Variants in PLCL1 observed in about 807,000 individuals in gnomAD.
PLCL1 encodes the protein inactive phospholipase C-like protein 1.
PLCL1 carries 41 observed loss-of-function variants against 84.4 expected under a neutral mutation model. That is an observed-to-expected ratio of 0.49 (90% CI 0.38 to 0.63). The LOEUF (loss-of-function observed/expected upper bound fraction) is 0.63, where lower values mean the gene tolerates loss of function less well. Among genes scored for constraint, PLCL1 ranks in the 30% least tolerant of loss-of-function variants. PLCL1 has a pLI of 0.00. For missense variants in PLCL1, 1,206 were observed against 1,367.8 expected, an observed-to-expected ratio of 0.88 and a Z score of 1.87; for synonymous variants, 490 against 488.3, an observed-to-expected ratio of 1.00 and a Z score of -0.05.
chr2:197,822,579 A>G (rs1413718719), intron 1 of PLCL1, among the ~76,000 whole-genome samples: 2 of 152,150 alleles, frequency 1.3e-5, no homozygotes, highest in African/African-American at 2.4e-5. Flanking sequence ...ACTCTTACCA[A>G]TTCTTACTAG....
chr2:198,086,021 T>A lies in PLCL1; in HGVS notation c.2504T>A (p.Ile835Asn). 6.2e-7 allele frequency: 1 copy of A among 1,614,070 alleles called. No individual in the cohort carries two copies. The highest frequency in any genetic ancestry group is 1.7e-4 in the Middle Eastern group (1 of 6,060). ...HVPLRSFVGDIMEHVTLFVHI... is the reference protein window; with the variant it reads ...HVPLRSFVGDNMEHVTLFVHI... ...CCCCTGCGTTCTTTTGTGGGTGACATCATGGAGCACGTAACCCTTTTTGTC... is the reference window on the plus strand; with the variant it reads ...CCCCTGCGTTCTTTTGTGGGTGACAACATGGAGCACGTAACCCTTTTTGTC... Residue 835 changes from isoleucine to asparagine, a missense_variant, in exon 2 of 6, where the codon ATC becomes AAC. By Grantham distance (149) the Ile-to-Asn change is moderately radical (BLOSUM62 -3). Transcript: ENST00000428675.
intron 5 of PLCL1, among the ~76,000 whole-genome samples, chr2:198,143,731 A>G (rs1694446386): frequency 6.6e-6 from 1 of 152,296 alleles, no homozygotes; most frequent in Admixed American, 6.5e-5. Context: ...GAAGACCCAA[A>G]GAAGAGATGC....
rs1690428962 is a variant in PLCL1 at position 197,804,770 on chromosome 2, G to A, written c.-330G>A. ...CGCCCGGTGCCTTTTGTCTGGCGCA[G>A]GGCCGGCGTTTGCATCACATTTCGG... On this transcript the variant is annotated 5_prime_UTR_variant, in exon 1 of 6. Coordinates refer to ENST00000428675, the MANE Select transcript of PLCL1 (RefSeq NM_006226.4). 1 of 215,470 alleles carries A rather than the reference G, an allele frequency of 4.6e-6. No homozygotes were observed. The highest frequency in any genetic ancestry group is 6.0e-5 in the Admixed American group (1 of 16,764). The allele number at this position is 215,470 out of a possible 1,614,324, so 13.3% of individuals were successfully genotyped here. A position where few individuals can be genotyped will look rare whatever the true frequency, so the allele number is the denominator to read the frequency against.
At position 198,099,166 on chromosome 2, in the gene PLCL1, C is replaced by T. The variant is rs188288658; in HGVS notation, c.2920-2119C>T. Among the ~76,000 whole-genome samples, 11 of 152,194 alleles carry T rather than the reference C, an allele frequency of 7.2e-5. No individual in the cohort carries two copies. In the East Asian group the frequency reaches 1.2e-3, roughly 16 times the overall value. On this transcript the variant is annotated intron_variant, in intron 3 of 5. Transcript: ENST00000428675. ...ATTCTATCGACTGAATCAACCCAGC[C>T]GTCATGGCTGAGTCGTGCTGACTTC...
At chr2:198,034,978 C>T (rs1691522898) in intron 1 of PLCL1, among the ~76,000 whole-genome samples, 1 of 152,112 alleles carries the variant, frequency 6.6e-6, no homozygotes, top group African/African-American at 2.4e-5. Flanking sequence ...AATGTTGTGT[C>T]CTTTTTCATG....
At chr2:198,105,371 C>T (rs752382718) in intron 5 of PLCL1, among the ~76,000 whole-genome samples, 1 of 151,890 alleles carries the variant, frequency 6.6e-6, no homozygotes, top group Non-Finnish European at 1.5e-5. Context: ...TTCCATTGGT[C>T]TATATGTCTG....
At chr2:198,002,441 G>T (rs1690625802) in intron 1 of PLCL1, among the ~76,000 whole-genome samples, 2 of 152,246 alleles carry the variant, frequency 1.3e-5, no homozygotes, top group South Asian at 4.1e-4. Flanking sequence ...CAATTTACAT[G>T]ACTACAAATA....
At chr2:198,045,952 A>G (rs560243061) in intron 1 of PLCL1, among the ~76,000 whole-genome samples, 4 of 152,332 alleles carry the variant, frequency 2.6e-5, no homozygotes, top group African/African-American at 7.2e-5. Flanking sequence ...TTTCATTTCA[A>G]TGTAACGAGC....
intron 5 of PLCL1, among the ~76,000 whole-genome samples, chr2:198,117,741 T>G (rs1308629357): frequency 3.3e-5 from 5 of 151,948 alleles, no homozygotes; most frequent in African/African-American, 7.2e-5. Context: ...AAAGTATGTT[T>G]TAGAGGTAAC....
chr2:198,126,255 C>T (rs535878689), intron 5 of PLCL1, among the ~76,000 whole-genome samples: 1 of 152,270 alleles, frequency 6.6e-6, no homozygotes, highest in South Asian at 2.1e-4. Context: ...CTCTTCTGTG[C>T]TTACCCCCCA....
intron 1 of PLCL1, among the ~76,000 whole-genome samples, chr2:197,902,493 C>A (rs1003948741): frequency 6.6e-6 from 1 of 152,082 alleles, no homozygotes; most frequent in Non-Finnish European, 1.5e-5. Context: ...TCAAGGAGAA[C>A]AAAGAGCTAC....
At chr2:198,099,194 G>A (rs1309158834) in intron 3 of PLCL1, among the ~76,000 whole-genome samples, 3 of 151,994 alleles carry the variant, frequency 2.0e-5, no homozygotes, top group South Asian at 4.1e-4. Flanking sequence ...CTGACTTCCC[G>A]GCTCAGGGAT....
At chr2:197,862,402 C>T (rs1261553995) in intron 1 of PLCL1, among the ~76,000 whole-genome samples, 1 of 152,134 alleles carries the variant, frequency 6.6e-6, no homozygotes, top group African/African-American at 2.4e-5. Context: ...CATGCTACTA[C>T]TTGTCTTTAG....
intron 1 of PLCL1, among the ~76,000 whole-genome samples, chr2:197,844,231 A>C (rs1687073417): frequency 6.6e-6 from 1 of 152,170 alleles, no homozygotes; most frequent in Non-Finnish European, 1.5e-5. Context: ...AGATCAAGAA[A>C]TAAAATGGTG....
At position 198,057,614 on chromosome 2, in the gene PLCL1, A is replaced by G. The variant is rs143097986; in HGVS notation, c.241-26144A>G. The stretch of plus-strand genomic sequence containing the variant: ...ATTTATAATTTGTGTACTTTTCTGT[A>G]TATATGCTCACTTCAATAAAAAGTT... On this transcript the variant is annotated intron_variant, in intron 1 of 5. Transcript: ENST00000428675. Among the ~76,000 whole-genome samples the G allele has an allele frequency of 1.5e-3, 229 of 152,328 alleles. 1 individual carries two copies. Among genetic ancestry groups the G allele is most frequent in the African/African-American group, 5.3e-3 (220 of 41,568 alleles).
At chr2:197,863,245 CTGAA>C (rs1252411609) in intron 1 of PLCL1, among the ~76,000 whole-genome samples, 1 of 151,354 alleles carries the variant, frequency 6.6e-6, no homozygotes, top group East Asian at 1.9e-4. Context: ...ATGGAAGACA[CTGAA>C]TGTGATGAAA....
chr2:197,833,953 G>A (rs1691127298), intron 1 of PLCL1, among the ~76,000 whole-genome samples: 4 of 152,128 alleles, frequency 2.6e-5, no homozygotes, highest in African/African-American at 7.2e-5. Flanking sequence ...GCATGGTACT[G>A]GTACCAAAAC....
chr2:197,903,588 A>G (rs1402539539), intron 1 of PLCL1, among the ~76,000 whole-genome samples: 1 of 128,406 alleles, frequency 7.8e-6, no homozygotes, highest in Admixed American at 9.6e-5. Context: ...GGTTCACGCC[A>G]TTCTCCTACC....
At chr2:197,905,245 T>A (rs1688354512) in intron 1 of PLCL1, among the ~76,000 whole-genome samples, 1 of 152,114 alleles carries the variant, frequency 6.6e-6, no homozygotes, top group Non-Finnish European at 1.5e-5. Context: ...ATCCCTCCCC[T>A]AGCACCCTAT....
Sources: allele counts gnomAD v4.1 joint callset (sites outside exome capture counted in the v4.1 genomes callset), GRCh38; gene constraint gnomAD v4.1.1; transcripts MANE v1.5; gene names NCBI Gene and HGNC (gene_info 2026-07-23, HGNC 2026-07-21).